Variants in UBE2E2 observed in about 807,000 individuals in gnomAD.
UBE2E2 encodes ubiquitin conjugating enzyme E2 E2.
A neutral mutation model predicts 24.7 loss-of-function variants in UBE2E2; 6 were observed. That is an observed-to-expected ratio of 0.24 (90% CI 0.13 to 0.48). The LOEUF (loss-of-function observed/expected upper bound fraction) is 0.48, where lower values mean the gene tolerates loss of function less well. Ranked by LOEUF, UBE2E2 falls within the 20% of genes least tolerant of loss-of-function variation. UBE2E2 has a pLI of 0.99. For missense variants in UBE2E2, 169 were observed against 245.0 expected, an observed-to-expected ratio of 0.69 and a Z score of 2.07; for synonymous variants, 104 against 83.6, an observed-to-expected ratio of 1.24 and a Z score of -1.33.
At chr3:23,450,884 C>T (rs879742607) in intron 3 of UBE2E2, among the ~76,000 whole-genome samples, 38 of 152,230 alleles carry the variant, frequency 2.5e-4, no homozygotes, top group Middle Eastern at 6.8e-3. Flanking sequence ...ATGGTATTTA[C>T]AAGTTTCAAA....
chr3:23,333,924 A>G (rs552562681), intron 3 of UBE2E2, among the ~76,000 whole-genome samples: 1 of 152,334 alleles, frequency 6.6e-6, no homozygotes, highest in South Asian at 2.1e-4. Context: ...CTGATACTCA[A>G]GTTCAGATCA....
chr3:23,509,976 A>G (rs763926713), intron 4 of UBE2E2, among the ~76,000 whole-genome samples: 4 of 152,096 alleles, frequency 2.6e-5, no homozygotes, highest in Non-Finnish European at 5.9e-5. Context: ...CCAATCTATC[A>G]TTGTTAGACA....
chr3:23,233,488 T>C (rs1177647622), intron 3 of UBE2E2, among the ~76,000 whole-genome samples: 1 of 152,148 alleles, frequency 6.6e-6, no homozygotes, highest in Non-Finnish European at 1.5e-5. Context: ...GTAAAACCCT[T>C]TGGAAATTTT....
At chr3:23,269,391 G>A (rs973897522) in intron 3 of UBE2E2, among the ~76,000 whole-genome samples, 4 of 152,138 alleles carry the variant, frequency 2.6e-5, no homozygotes, top group African/African-American at 7.2e-5. Flanking sequence ...GGCGTGTAGC[G>A]TTAAAAGCTA....
chr3:23,282,181 A>C (rs1698504337), intron 3 of UBE2E2, among the ~76,000 whole-genome samples: 1 of 152,226 alleles, frequency 6.6e-6, no homozygotes, highest in Non-Finnish European at 1.5e-5. Context: ...CATTGCAGTG[A>C]ATACAGTTGG....
intron 3 of UBE2E2, among the ~76,000 whole-genome samples, chr3:23,250,273 G>A (rs534029225): frequency 1.3e-5 from 2 of 152,222 alleles, no homozygotes; most frequent in Admixed American, 6.5e-5. Flanking sequence ...TATCTTCTAC[G>A]CTGGTCTTTA....
intron 3 of UBE2E2, among the ~76,000 whole-genome samples, chr3:23,461,320 G>T (rs913756168): frequency 2.0e-5 from 3 of 151,964 alleles, no homozygotes; most frequent in African/African-American, 7.3e-5. Flanking sequence ...CGTTAGCCAA[G>T]CTCTTGCCTC....
At chr3:23,455,009 G>A (rs73043622) in intron 3 of UBE2E2, among the ~76,000 whole-genome samples, 17,587 of 152,114 alleles carry the variant, frequency 0.12, 1,210 homozygotes, top group Middle Eastern at 0.2. Context: ...GAATTCACTG[G>A]ATTATCATGT....
intron 3 of UBE2E2, among the ~76,000 whole-genome samples, chr3:23,239,158 C>G (rs1164324567): frequency 1.3e-5 from 2 of 152,080 alleles, no homozygotes; most frequent in Admixed American, 6.6e-5. Flanking sequence ...GGACCTCATT[C>G]TCAACCTCAG....
At chr3:23,323,839 T>G (rs1170331348) in intron 3 of UBE2E2, among the ~76,000 whole-genome samples, 5 of 152,152 alleles carry the variant, frequency 3.3e-5, no homozygotes, top group African/African-American at 1.2e-4. Context: ...CTCATAGCAC[T>G]TTTGTACTTG....
At chr3:23,338,294 G>A (rs1392235496) in intron 3 of UBE2E2, among the ~76,000 whole-genome samples, 1 of 152,134 alleles carries the variant, frequency 6.6e-6, no homozygotes, top group Non-Finnish European at 1.5e-5. Flanking sequence ...AACTAAATAT[G>A]TGGTGGATAT....
At chr3:23,547,999 A>G (rs1575699552) in intron 5 of UBE2E2, among the ~76,000 whole-genome samples, 1 of 152,128 alleles carries the variant, frequency 6.6e-6, no homozygotes, top group African/African-American at 2.4e-5. Flanking sequence ...GACTGGAGGG[A>G]AGAGTGATAC....
chr3:23,428,928 T>TAAAAAAAAAAAAAAAA (rs34525850), intron 3 of UBE2E2, among the ~76,000 whole-genome samples: 2 of 75,886 alleles, frequency 2.6e-5, no homozygotes, highest in Middle Eastern at 9.4e-3. Flanking sequence ...CTCTGTCTCT[T>TAAAAAAAAAAAAAAAA]AAAAAAAAAA....
intron 3 of UBE2E2, chr3:23,323,432 G>C (rs1478353309): frequency 6.0e-6 from 2 of 335,938 alleles, no homozygotes; most frequent in East Asian, 2.1e-4. Flanking sequence ...CATGACCCCA[G>C]GGCTAGCTCA....
chr3:23,469,562 C>G (rs778466), intron 3 of UBE2E2, among the ~76,000 whole-genome samples: 51,323 of 151,990 alleles, frequency 0.34, 8,980 homozygotes, highest in South Asian at 0.45. Context: ...AAGAACCTCC[C>G]TATATTGCAT....
At chr3:23,413,206 A>T (rs1306893047) in intron 3 of UBE2E2, among the ~76,000 whole-genome samples, 2 of 82,092 alleles carry the variant, frequency 2.4e-5, no homozygotes, top group Admixed American at 1.8e-4. Flanking sequence ...TAATAATAAA[A>T]TTAAAAAAAA....
At chr3:23,436,501 G>T (rs1159257284) in intron 3 of UBE2E2, among the ~76,000 whole-genome samples, 2 of 151,842 alleles carry the variant, frequency 1.3e-5, no homozygotes, top group African/African-American at 4.8e-5. Flanking sequence ...GACATTTGAA[G>T]ATTTGTTTTC....
chr3:23,427,259 C>CAA (rs74787665), intron 3 of UBE2E2, among the ~76,000 whole-genome samples: 50 of 88,458 alleles, frequency 5.7e-4, no homozygotes, highest in South Asian at 4.2e-3. Flanking sequence ...CCATCTCTAC[C>CAA]AAAAAAAAAA....
rs181297565 is a variant in UBE2E2 at position 23,304,374 on chromosome 3, G to T, written c.227+87062G>T. On this transcript the variant is annotated intron_variant, in intron 3 of 5. Coordinates refer to ENST00000396703, the MANE Select transcript of UBE2E2 (RefSeq NM_152653.4). ...GGCTTTATACTCTTAAAAATTACTG[G>T]ATTATATCTGTGAATATTTGTTGTG... 6.1e-3 allele frequency among the ~76,000 whole-genome samples: 935 copies of T among 152,060 alleles called. 14 individuals are homozygous for T. The highest frequency in any genetic ancestry group is 0.021 in the African/African-American group (867 of 41,494).
Sources: allele counts gnomAD v4.1 joint callset (sites outside exome capture counted in the v4.1 genomes callset), GRCh38; gene constraint gnomAD v4.1.1; transcripts MANE v1.5; gene names NCBI Gene and HGNC (gene_info 2026-07-23, HGNC 2026-07-21).